Variants in FLACC1 observed in about 807,000 individuals in gnomAD.
The protein encoded by FLACC1 is flagellum-associated coiled-coil domain-containing protein 1.
FLACC1 carries 66 observed loss-of-function variants against 62.8 expected under a neutral mutation model. That is an observed-to-expected ratio of 1.05 (90% CI 0.86 to 1.29). The LOEUF (loss-of-function observed/expected upper bound fraction) is 1.29. Among genes scored for constraint, FLACC1 ranks in the 50% most tolerant of loss-of-function variants. The pLI is 0.00. For synonymous variants in FLACC1, 156 were observed against 161.0 expected, an observed-to-expected ratio of 0.97 and a Z score of 0.24; for missense variants, 452 against 489.1, an observed-to-expected ratio of 0.92 and a Z score of 0.71.
chr2:201,353,864 C>A (rs1293305194), intron 1 of FLACC1, among the ~76,000 whole-genome samples: 1 of 152,144 alleles, frequency 6.6e-6, no homozygotes, highest in African/African-American at 2.4e-5. Flanking sequence ...TCCCAAAGTG[C>A]TGGGATTACA....
In FLACC1 at chr2:201,302,750, TC is replaced by T. The variant is rs1950012558; in HGVS notation, c.880-3451del. Among the ~76,000 whole-genome samples, 4 of 152,204 alleles carry T rather than the reference TC, an allele frequency of 2.6e-5. No individual in the cohort carries two copies. The South Asian group carries it at 8.3e-4, about 32-fold the overall frequency. Reference sequence around the variant, plus strand: ...AACCGTCTCTCAGACCACAGTGCAATCAAACTAGAACTCAGGATTAAGAACT... The same window carrying T: ...AACCGTCTCTCAGACCACAGTGCAATAAACTAGAACTCAGGATTAAGAACT... On this transcript the variant is annotated intron_variant, in intron 11 of 14. Coordinates refer to ENST00000392257, the MANE Select transcript of FLACC1 (RefSeq NM_001127391.3).
intron 10 of FLACC1, 57 bp from the exon 11 acceptor site, chr2:201,307,679 T>C: frequency 8.2e-7 from 1 of 1,226,790 alleles, no homozygotes; most frequent in Non-Finnish European, 1.2e-6. Context: ...GCAGGTGCAA[T>C]GAGAAACCCA....
chr2:201,305,787 A>T (rs1950089962), intron 11 of FLACC1, among the ~76,000 whole-genome samples: 1 of 152,194 alleles, frequency 6.6e-6, no homozygotes, highest in Admixed American at 6.5e-5. Flanking sequence ...CTTTGTAGGG[A>T]CATGGATGAA....
At chr2:201,290,120 G>A (rs527667385) in intron 12 of FLACC1, among the ~76,000 whole-genome samples, 1 of 152,322 alleles carries the variant, frequency 6.6e-6, no homozygotes, top group East Asian at 1.9e-4. Context: ...GGTTTCTAGG[G>A]ATTTGGAGGG....
chr2:201,357,782 T>C (rs547895092), upstream of FLACC1, among the ~76,000 whole-genome samples: 3 of 144,876 alleles, frequency 2.1e-5, no homozygotes, highest in South Asian at 7.1e-4. Context: ...CAGGAATCTT[T>C]TGCAGTCACA....
chr2:201,358,793 T>G (rs1951157680), upstream of FLACC1, among the ~76,000 whole-genome samples: 1 of 152,070 alleles, frequency 6.6e-6, no homozygotes, highest in Non-Finnish European at 1.5e-5. Context: ...ACTCCTGAAT[T>G]CAAGTGATCC....
At chr2:201,328,224 A>G (rs1215803849) in intron 9 of FLACC1, among the ~76,000 whole-genome samples, 4 of 152,140 alleles carry the variant, frequency 2.6e-5, no homozygotes, top group Non-Finnish European at 5.9e-5. Context: ...CACTACTTAG[A>G]TGATGGGTGC....
intron 9 of FLACC1, among the ~76,000 whole-genome samples, chr2:201,319,300 C>T (rs1363823095): frequency 6.6e-6 from 1 of 152,064 alleles, no homozygotes; most frequent in Non-Finnish European, 1.5e-5. Flanking sequence ...GGATAGCTGG[C>T]TAGCCATATG....
At chr2:201,363,903 C>G in the FLACC1 span, among the ~76,000 whole-genome samples, 6 of 152,304 alleles carry the variant, frequency 3.9e-5, no homozygotes, top group East Asian at 3.9e-4. Context: ...TGCATTCTCC[C>G]TCAGTGCTGG....
chr2:201,335,438 T>G (rs904762621), intron 7 of FLACC1, among the ~76,000 whole-genome samples: 2 of 151,982 alleles, frequency 1.3e-5, no homozygotes, highest in African/African-American at 4.8e-5. Flanking sequence ...GAAAAGGCTA[T>G]CTTTTTTCCC....
At chr2:201,301,045 C>T (rs915363046) in intron 11 of FLACC1, among the ~76,000 whole-genome samples, 5 of 152,172 alleles carry the variant, frequency 3.3e-5, no homozygotes, top group Non-Finnish European at 7.3e-5. Context: ...TGCAGCTCCT[C>T]ACCAGCAATG....
At chr2:201,288,933 ATGG>A (rs1290354088) in intron 14 of FLACC1, 152 bp from the exon 15 acceptor site, 2 of 899,248 alleles carry the variant, frequency 2.2e-6, no homozygotes, top group Non-Finnish European at 3.3e-6. Context: ...TTAGTGAGGT[ATGG>A]TGTTCAGGTG....
chr2:201,344,411 G>T, intron 5 of FLACC1, 148 bp from the exon 6 acceptor site: 1 of 697,348 alleles, frequency 1.4e-6, no homozygotes, highest in Non-Finnish European at 2.5e-6. Context: ...ATGGGGTGGG[G>T]GTGGAGGGAT....
chr2:201,314,764 G>T (rs559390877), intron 9 of FLACC1, among the ~76,000 whole-genome samples: 20 of 152,266 alleles, frequency 1.3e-4, no homozygotes, highest in African/African-American at 4.8e-4. Context: ...ATGAAGGAAA[G>T]AATCTTAAGA....
In FLACC1 at chr2:201,332,868, G is replaced by A. The variant is rs1268484302; in HGVS notation, c.525-2035C>T. ...CATAATGCTCTCCAGTTCCATCCAT[G>A]TTGTCACAAATGCCAGAATTTCCTT... On this transcript the variant is annotated intron_variant, in intron 7 of 14. Transcript: ENST00000392257. 2.0e-5 allele frequency among the ~76,000 whole-genome samples: 3 copies of A among 152,104 alleles called. No individual in the cohort carries two copies. In the East Asian group the frequency reaches 5.8e-4, roughly 29 times the overall value.
intron 7 of FLACC1, among the ~76,000 whole-genome samples, chr2:201,336,622 C>T (rs537101290): frequency 6.6e-6 from 1 of 152,252 alleles, no homozygotes; most frequent in East Asian, 1.9e-4. Context: ...ATTAACATCC[C>T]CACCAATAGT....
rs1390071482 is a variant in FLACC1 at position 201,344,280 on chromosome 2, T to C, written c.369-17A>G. ...ATGTTGGTCCTGTAGGAGAAGTAAT[T>C]CTTCTATCATCCACAAAGCTTACCA... On this transcript the variant is annotated splice_polypyrimidine_tract_variant and intron_variant, in intron 5 of 14. Coordinates refer to ENST00000392257, the MANE Select transcript of FLACC1 (RefSeq NM_001127391.3). 1 of 1,581,502 alleles carries C rather than the reference T, an allele frequency of 6.3e-7. No individual in the cohort carries two copies. The highest frequency in any genetic ancestry group is 1.7e-5 in the Admixed American group (1 of 59,828).
chr2:201,311,409 A>T (rs2125566752), intron 9 of FLACC1, among the ~76,000 whole-genome samples: 1 of 152,278 alleles, frequency 6.6e-6, no homozygotes, highest in Non-Finnish European at 1.5e-5. Context: ...TTGCAAATTG[A>T]ATCCAGCTAC....
chr2:201,307,591 C>T lies in FLACC1; in HGVS notation c.807G>A (p.Glu269=), dbSNP rs1475068778. 1 of 1,614,174 alleles carries T rather than the reference C, an allele frequency of 6.2e-7. No individual in the cohort carries two copies. Among genetic ancestry groups the T allele is most frequent in the African/African-American group, 1.3e-5 (1 of 75,070 alleles). The change falls in exon 11 of 15, where the codon GAG becomes GAA. Residue 269 remains glutamate (E), a synonymous_variant. Transcript: ENST00000392257. ...TTATTTTCTTATCTTCTTCTCCTGA[C>T]TCCATTTCGAATTTTTTGGTCATCT... is the stretch of plus-strand genomic sequence containing the variant. ...KKKMTKKFEM[E]SGEEDKKINE... is the part of the protein sequence containing the mutation.
Sources: gnomAD v4.1 joint callset for allele counts (sites outside exome capture counted in the v4.1 genomes callset) on GRCh38, gnomAD v4.1.1 for gene constraint, MANE v1.5 for transcripts, NCBI Gene and HGNC (gene_info 2026-07-23, HGNC 2026-07-21) for gene names.